The following LEMD2 variants were observed in gnomAD, a reference collection of about 807,000 sequenced individuals.
LEMD2 encodes the protein LEM domain nuclear envelope protein 2.
In LEMD2, 34 loss-of-function variants were observed where a neutral mutation model predicts 58.8. The ratio of observed to expected loss-of-function variants is 0.58; its 90% CI spans 0.44 to 0.77. The LOEUF is 0.77. Among genes scored for constraint, LEMD2 ranks in the 30% least tolerant of loss-of-function variants. LEMD2 has a pLI of 0.00. For missense variants in LEMD2, 629 were observed against 717.9 expected (o/e 0.88, Z 1.42); for synonymous variants, 298 against 308.9 (o/e 0.96, Z 0.37).
intron 2 of LEMD2, among the ~76,000 whole-genome samples, chr6:33,785,100 CAA>C (rs1767647204): frequency 6.6e-6 from 1 of 152,132 alleles, no homozygotes; most frequent in Non-Finnish European, 1.5e-5. Context: ...AAGAAAAACA[CAA>C]AGTGTCACCG....
intron 1 of LEMD2, 143 bp downstream of exon 1, chr6:33,788,238 A>C: frequency 1.1e-6 from 1 of 872,000 alleles, no homozygotes; most frequent in Non-Finnish European, 1.7e-6. Flanking sequence ...CACAGCTGGA[A>C]GAAGGCAGGC....
At chr6:33,772,910 A>C in intron 8 of LEMD2, 132 bp from the exon 9 acceptor site, 1 of 766,556 alleles carries the variant, frequency 1.3e-6, no homozygotes, top group Non-Finnish European at 2.1e-6. Context: ...GCTGGCAGGT[A>C]CTAACATGAC....
At position 33,772,697 on chromosome 6, in the gene LEMD2, G is replaced by A. The variant is rs529990743; in HGVS notation, c.1443C>T (p.Arg481=). 10 of 1,613,928 alleles carry A rather than the reference G, an allele frequency of 6.2e-6. No individual in the cohort carries two copies. The highest frequency in any genetic ancestry group is 1.7e-5 in the Admixed American group (1 of 60,002). ...NESRIQTESH[R]VAGEDMLVWR... The stretch of plus-strand genomic sequence containing the variant: ...ACACCAGCATGTCCTCTCCTGCAAC[G>A]CGGTGGGACTCCGTCTGGATCCGGG... The change falls in exon 9 of 9, where the codon CGC becomes CGT. Residue 481 remains arginine (R), a synonymous_variant. Transcript: ENST00000293760.
At chr6:33,786,708 T>C (rs1419013563) in intron 2 of LEMD2, 26 bp downstream of exon 2, 6 of 1,591,226 alleles carry the variant, frequency 3.8e-6, no homozygotes, top group Middle Eastern at 1.7e-4. Flanking sequence ...GGAAGAATAA[T>C]AAAAACCAGA....
intron 6 of LEMD2, among the ~76,000 whole-genome samples, chr6:33,777,652 G>A (rs887254675): frequency 6.6e-6 from 1 of 152,182 alleles, no homozygotes; most frequent in African/African-American, 2.4e-5. Flanking sequence ...TGTGCACACT[G>A]AGGCGGTCTG....
intron 1 of LEMD2, chr6:33,787,125 T>C (rs2127383543): frequency 3.7e-6 from 1 of 267,842 alleles, no homozygotes; most frequent in African/African-American, 2.2e-5. Context: ...CAAAACAAAA[T>C]ATAGGAGTTT....
In LEMD2 at chr6:33,778,241, C is replaced by T; in HGVS notation, c.1156+1G>A. On this transcript the variant is annotated splice_donor_variant, in intron 6 of 8. Coordinates refer to ENST00000293760, the MANE Select transcript of LEMD2 (RefSeq NM_181336.4). LOFTEE classifies it high-confidence loss of function. The surrounding 1 kb of genome is among the most constrained non-coding windows in gnomAD (Gnocchi z 4.7). ...GGGAGGGAAGGCGGCCGAGGACTTA[C>T]ACCAGAAGAAGATGAGCACGTTGGT... 2 of 1,590,704 alleles carry T rather than the reference C, an allele frequency of 1.3e-6. No individual in the cohort carries two copies. The highest frequency in any genetic ancestry group is 1.7e-6 in the Non-Finnish European group (2 of 1,167,228).
intron 6 of LEMD2, among the ~76,000 whole-genome samples, chr6:33,777,489 G>A (rs1017206182): frequency 6.6e-6 from 1 of 152,176 alleles, no homozygotes; most frequent in Non-Finnish European, 1.5e-5. Flanking sequence ...TCCAGATCTC[G>A]GCTCCTCCCA....
intron 2 of LEMD2, chr6:33,784,773 G>A (rs6940353): frequency 0.22 from 44,000 of 201,368 alleles, 5,179 homozygotes; most frequent in Admixed American, 0.3. Flanking sequence ...TGATGCAGTC[G>A]CTCAGCTTCC....
intron 3 of LEMD2, 189 bp from the exon 4 acceptor site, chr6:33,781,342 T>G: frequency 1.7e-6 from 1 of 590,290 alleles, no homozygotes; most frequent in Non-Finnish European, 3.0e-6. Flanking sequence ...CGATTCCAGA[T>G]CATTAAAACC....
At chr6:33,777,656 C>T (rs544686266) in intron 6 of LEMD2, among the ~76,000 whole-genome samples, 2 of 152,130 alleles carry the variant, frequency 1.3e-5, no homozygotes, top group Admixed American at 6.5e-5. Context: ...CACACTGAGG[C>T]GGTCTGTGAT....
Position 33,780,119 on chromosome 6 carries a change from T to A in LEMD2, c.991A>T (p.Asn331Tyr). 6.3e-7 allele frequency: 1 copy of A among 1,594,190 alleles called. No homozygotes were observed. Among genetic ancestry groups the A allele is most frequent in the Non-Finnish European group, 8.6e-7 (1 of 1,169,090 alleles). ...EAALTWILSS[N>Y]KDVGIWLKGE... ...ACTCACCAGATGCCCACGTCCTTGT[T>A]ACTGCTCAGTATCCAGGTCAGTGCG... Residue 331 changes from asparagine (N) to tyrosine (Y), a missense_variant, in exon 5 of 9, where the codon AAC becomes TAC. Asn to Tyr is a moderately radical substitution (Grantham distance 143, BLOSUM62 -2). Around this residue, in one of 2 missense-constraint regions of LEMD2, gnomAD observed 243 missense variants for 336.8 expected, o/e 0.72. Coordinates refer to ENST00000293760, the MANE Select transcript of LEMD2 (RefSeq NM_181336.4).
At chr6:33,784,985 T>A (rs1365261991) in intron 2 of LEMD2, among the ~76,000 whole-genome samples, 1 of 152,052 alleles carries the variant, frequency 6.6e-6, no homozygotes, top group Non-Finnish European at 1.5e-5. Flanking sequence ...TGCTACCACC[T>A]AAAGGAAACA....
In LEMD2 at chr6:33,781,082, T is replaced by C. The variant is rs756710069; in HGVS notation, c.925A>G (p.Ile309Val). The C allele has an allele frequency of 2.5e-6, 4 of 1,610,014 alleles. No individual in the cohort carries two copies. Among genetic ancestry groups the C allele is most frequent in the Non-Finnish European group, 3.4e-6 (4 of 1,176,358 alleles). The change falls in exon 4 of 9, where the codon ATA becomes GTA. Residue 309 changes from isoleucine (I) to valine (V), a missense_variant. Around this residue, in one of 2 missense-constraint regions of LEMD2, gnomAD observed 243 missense variants for 336.8 expected, o/e 0.72. Coordinates refer to ENST00000293760, the MANE Select transcript of LEMD2 (RefSeq NM_181336.4). ...CIPVMEAQEY[I>V]ANVTSSSSAK... ...AAGCACTGAAGCCTACTTACGGCTA[T>C]ATATTCTTGGGCTTCCATAACAGGA...
chr6:33,788,241 A>T (rs976657948), intron 1 of LEMD2, 140 bp downstream of exon 1: 2 of 884,954 alleles, frequency 2.3e-6, no homozygotes, highest in African/African-American at 1.8e-5. Context: ...AGCTGGAAGA[A>T]GGCAGGCCTG....
At chr6:33,779,758 G>A (rs1767521787) in intron 5 of LEMD2, 2 of 230,164 alleles carry the variant, frequency 8.7e-6, no homozygotes, top group Non-Finnish European at 1.7e-5. Flanking sequence ...CTCCCGAGGA[G>A]GGGAAGTGCA....
At position 33,776,959 on chromosome 6, in the gene LEMD2, CTG is replaced by C; in HGVS notation, c.1354_1355del (p.Gln452GlufsTer42). 6.2e-7 allele frequency: 1 copy of C among 1,613,224 alleles called. No individual in the cohort carries two copies. Among genetic ancestry groups the C allele is most frequent in the Non-Finnish European group, 8.5e-7 (1 of 1,179,822 alleles). On this transcript the variant is annotated frameshift_variant, in exon 8 of 9. Transcript: ENST00000293760. LOFTEE classifies it high-confidence loss of function. ...LHVRDSLIPP[Q>X]SRRRMKRVWD... is the part of the protein sequence containing the mutation. The stretch of plus-strand genomic sequence containing the variant: ...CGCCCCAGCCAGGGACTCACCGGCT[CTG>C]TGGAGGGATCAAGCTGTCGCGCACG...
rs184409088 is a variant in LEMD2 at position 33,778,788 on chromosome 6, T to C, written c.1011-401A>G. The C allele has an allele frequency of 4.9e-4, 77 of 156,922 alleles. 1 individual carries two copies. In the East Asian group the frequency reaches 0.013, roughly 27 times the overall value. 9.7% of individuals were successfully genotyped at this position (156,922 alleles called of 1,614,324 possible). On this transcript the variant is annotated intron_variant, in intron 5 of 8. Coordinates refer to ENST00000293760, the MANE Select transcript of LEMD2 (RefSeq NM_181336.4). This position sits in a 1 kb window ranked among gnomAD's most constrained non-coding sequence, Gnocchi z 4.7. ...AGAATCTGGGAGGTTGCACTTTTCC[T>C]CGGTGACAAGGAGGCACATAAGCTG...
At chr6:33,782,596 T>G (rs1045016513) in intron 3 of LEMD2, among the ~76,000 whole-genome samples, 4 of 152,236 alleles carry the variant, frequency 2.6e-5, no homozygotes, top group Non-Finnish European at 4.4e-5. Flanking sequence ...CCTGTGACGC[T>G]CTCCTGACTG....
Sources: gnomAD v4.1 joint callset for allele counts (sites outside exome capture counted in the v4.1 genomes callset) on GRCh38, gnomAD v4.1.1 for gene constraint, gnomAD v4.1.1 regional missense constraint, Gnocchi (gnomAD v3.1) non-coding constraint, MANE v1.5 for transcripts, NCBI Gene and HGNC (gene_info 2026-07-23, HGNC 2026-07-21) for gene names.